The following KIF26B variants were observed in gnomAD, a reference collection of about 807,000 sequenced individuals.
KIF26B encodes the protein kinesin family member 26B.
KIF26B carries 63 observed loss-of-function variants against 151.2 expected under a neutral mutation model. The ratio of observed to expected loss-of-function variants is 0.42; its 90% CI spans 0.34 to 0.51. The LOEUF is 0.51. Among genes scored for constraint, KIF26B ranks in the 20% least tolerant of loss-of-function variants. KIF26B has a pLI of 0.07. For missense variants in KIF26B, 2,813 were observed against 2,913.6 expected, an observed-to-expected ratio of 0.97 and a Z score of 0.79; for synonymous variants, 1,357 against 1,262.1, an observed-to-expected ratio of 1.08 and a Z score of -1.59.
At chr1:245,651,858 G>A (rs2044019510) in intron 10 of KIF26B, among the ~76,000 whole-genome samples, 1 of 152,184 alleles carries the variant, frequency 6.6e-6, no homozygotes, top group Non-Finnish European at 1.5e-5. Flanking sequence ...TGGGTCCATG[G>A]AGAAATTGTC....
chr1:245,454,467 A>G (rs1229673588), intron 4 of KIF26B, among the ~76,000 whole-genome samples: 1 of 152,158 alleles, frequency 6.6e-6, no homozygotes, highest in Non-Finnish European at 1.5e-5. Flanking sequence ...GAAAGAAAAA[A>G]AAGCACATTT....
In KIF26B at chr1:245,707,982, T is replaced by C. The variant is rs1404281218; in HGVS notation, c.*5376T>C. ...TGGAGTTCCTTAGCTTGGATATATA[T>C]AGTACCTGTTTTTTTCCTCTGGAAA... On this transcript the variant is annotated 3_prime_UTR_variant, in exon 15 of 15. Transcript: ENST00000407071. The C allele has an allele frequency of 2.6e-5, 4 of 152,250 alleles. No homozygotes were observed. The highest frequency in any genetic ancestry group is 3.8e-4 in the East Asian group (2 of 5,202). 9.4% of individuals were successfully genotyped at this position (152,250 alleles called of 1,614,324 possible).
chr1:245,290,786 A>G (rs908604172), intron 2 of KIF26B, among the ~76,000 whole-genome samples: 3 of 152,238 alleles, frequency 2.0e-5, no homozygotes, highest in Non-Finnish European at 2.9e-5. Context: ...CTCTGGTTCA[A>G]ATGCCTCTAA....
intron 9 of KIF26B, among the ~76,000 whole-genome samples, chr1:245,623,026 G>GT (rs56666383): frequency 0.024 from 2,718 of 111,806 alleles, 92 homozygotes; most frequent in Non-Finnish European, 0.035. Context: ...TCGTGAGCAA[G>GT]TTTTTTTTTT....
intron 10 of KIF26B, among the ~76,000 whole-genome samples, chr1:245,675,348 G>T (rs2147944626): frequency 6.6e-6 from 1 of 152,282 alleles, no homozygotes; most frequent in South Asian, 2.1e-4. Flanking sequence ...TGACCCCAAA[G>T]CCCCTGCCCT....
intron 4 of KIF26B, among the ~76,000 whole-genome samples, chr1:245,518,083 G>T (rs186475222): frequency 2.4e-4 from 37 of 152,096 alleles, no homozygotes; most frequent in African/African-American, 8.7e-4. Flanking sequence ...TCTTGGCCAG[G>T]CTGGTCTTGA....
intron 3 of KIF26B, among the ~76,000 whole-genome samples, chr1:245,408,907 T>G (rs1069238): frequency 0.71 from 107,980 of 151,948 alleles, 39,098 homozygotes; most frequent in African/African-American, 0.86. Flanking sequence ...ATTAAATGTG[T>G]CAATACAAAT....
At chr1:245,363,928 G>A (rs1279702546) in intron 2 of KIF26B, among the ~76,000 whole-genome samples, 1 of 152,202 alleles carries the variant, frequency 6.6e-6, no homozygotes, top group Non-Finnish European at 1.5e-5. Context: ...ACAGCTGTGA[G>A]GAGCGGGAGT....
intron 2 of KIF26B, among the ~76,000 whole-genome samples, chr1:245,311,377 C>T (rs1671662903): frequency 6.6e-6 from 1 of 152,082 alleles, no homozygotes; most frequent in African/African-American, 2.4e-5. Flanking sequence ...TCATCGTCTC[C>T]TGTTACACAG....
At position 245,560,781 on chromosome 1, in the gene KIF26B, A is replaced by G. The variant is rs911046067; in HGVS notation, c.1350+19831A>G. On this transcript the variant is annotated intron_variant, in intron 5 of 14. Transcript: ENST00000407071. The surrounding 1 kb of genome is among the most constrained non-coding windows in gnomAD (Gnocchi z 4.3). The stretch of plus-strand genomic sequence containing the variant: ...CTGAAGACTCCCCTCCGCTCCTCGC[A>G]CTCTCATCACTGCCCCTCACTCTCT... 3.3e-5 allele frequency among the ~76,000 whole-genome samples: 5 copies of G among 152,038 alleles called. No individual in the cohort carries two copies. Among genetic ancestry groups the G allele is most frequent in the African/African-American group, 1.2e-4 (5 of 41,404 alleles).
intron 10 of KIF26B, among the ~76,000 whole-genome samples, chr1:245,655,845 T>G (rs2044067286): frequency 6.6e-6 from 1 of 152,230 alleles, no homozygotes; most frequent in Non-Finnish European, 1.5e-5. Context: ...TCAGAGATTG[T>G]CAAGGCCAAC....
At chr1:245,418,724 A>T (rs980844533) in intron 3 of KIF26B, among the ~76,000 whole-genome samples, 1 of 152,204 alleles carries the variant, frequency 6.6e-6, no homozygotes, top group African/African-American at 2.4e-5. Context: ...TAGACTGAAG[A>T]TTTCAAGTAA....
intron 2 of KIF26B, among the ~76,000 whole-genome samples, chr1:245,356,742 C>T (rs1672709806): frequency 2.0e-5 from 3 of 152,244 alleles, no homozygotes; most frequent in Admixed American, 2.0e-4. Context: ...GACAAATGTG[C>T]CTGCTGTCAC....
At chr1:245,320,139 T>A (rs769528657) in intron 2 of KIF26B, among the ~76,000 whole-genome samples, 17 of 152,310 alleles carry the variant, frequency 1.1e-4, no homozygotes, top group Non-Finnish European at 2.5e-4. Flanking sequence ...AGAGCAGCAA[T>A]GTGCCCTGCA....
intron 4 of KIF26B, 27 bp downstream of exon 4, chr1:245,419,772 T>C (rs1408425099): frequency 1.3e-6 from 2 of 1,578,752 alleles, no homozygotes; most frequent in Non-Finnish European, 1.7e-6. Context: ...GATCCTTGGT[T>C]CTTTCCGATG....
intron 5 of KIF26B, among the ~76,000 whole-genome samples, chr1:245,566,858 T>C (rs2043015096): frequency 6.6e-6 from 1 of 152,158 alleles, no homozygotes; most frequent in African/African-American, 2.4e-5. Flanking sequence ...ATCCGGGAGA[T>C]GGAGGTTGCA....
rs149909437 is a variant in KIF26B, at chr1:245,684,413, TG to T, written c.2421+25del. ...AGACGAAGGTAAGGAGCTCGCGGGG[TG>T]GGGGGGTGGTGGATGAGGGAGCCTT... is the stretch of plus-strand genomic sequence containing the variant. On this transcript the variant is annotated intron_variant, in intron 11 of 14. Transcript: ENST00000407071. 0.026 allele frequency: 36,765 copies of T among 1,388,582 alleles called. 1,589 individuals are homozygous for T. The highest frequency in any genetic ancestry group is 0.17 in the Admixed American group (8,839 of 51,396). 86.0% of individuals were successfully genotyped at this position (1,388,582 alleles called of 1,614,324 possible).
rs2044781955 is a variant in KIF26B, at chr1:245,702,192, G to C, written c.6179-266G>C. On this transcript the variant is annotated intron_variant, in intron 14 of 14. Coordinates refer to ENST00000407071, the MANE Select transcript of KIF26B (RefSeq NM_018012.4). This position sits in a 1 kb window ranked among gnomAD's most constrained non-coding sequence, Gnocchi z 4.1. ...CCATCCTGGATCCTCCATGGCTGGA[G>C]GTAGGGGGAGCTAGAATGTCACCTT... Among the ~76,000 whole-genome samples, 1 of 152,116 alleles carries C rather than the reference G, an allele frequency of 6.6e-6. No individual in the cohort carries two copies. The highest frequency in any genetic ancestry group is 1.5e-5 in the Non-Finnish European group (1 of 68,030).
At chr1:245,537,085 C>T (rs914854937) in intron 4 of KIF26B, among the ~76,000 whole-genome samples, 1 of 152,180 alleles carries the variant, frequency 6.6e-6, no homozygotes, top group African/African-American at 2.4e-5. Flanking sequence ...CACATGGATG[C>T]AGCCATCTTT....
Sources: allele counts gnomAD v4.1 joint callset (sites outside exome capture counted in the v4.1 genomes callset), GRCh38; gene constraint gnomAD v4.1.1; non-coding constraint Gnocchi (gnomAD v3.1); transcripts MANE v1.5; gene names NCBI Gene and HGNC (gene_info 2026-07-23, HGNC 2026-07-21).